The following IL1RAPL2 variants were observed in gnomAD, a reference collection of about 807,000 sequenced individuals.
The protein encoded by IL1RAPL2 is X-linked interleukin-1 receptor accessory protein-like 2.
Under a neutral mutation model 44.1 loss-of-function variants are expected in IL1RAPL2, and 3 were observed. That is an observed-to-expected ratio of 0.07 (90% CI 0.03 to 0.18). The LOEUF is 0.18. IL1RAPL2 is among the 10% of genes least tolerant of loss of function. The pLI, the probability that IL1RAPL2 is intolerant of heterozygous loss-of-function variation, is 1.00. For synonymous variants in IL1RAPL2, 181 were observed against 178.8 expected (o/e 1.01, Z -0.10); for missense variants, 391 against 496.4 (o/e 0.79, Z 2.02).
chrX:105,036,872 C>G (rs371853181), intron 2 of IL1RAPL2, among the ~76,000 whole-genome samples: 4 of 109,697 alleles, frequency 3.6e-5, no homozygotes, highest in African/African-American at 1.3e-4. Context: ...AACCAAAGCT[C>G]ATAGATGTCT....
chrX:104,970,552 G>A (rs1358404637), intron 2 of IL1RAPL2, among the ~76,000 whole-genome samples: 2 of 111,697 alleles, frequency 1.8e-5, no homozygotes, highest in African/African-American at 3.3e-5. Flanking sequence ...TCTAGAAAAG[G>A]GGTGGTAACT....
intron 2 of IL1RAPL2, among the ~76,000 whole-genome samples, chrX:105,139,695 T>C (rs1186471458): frequency 1.8e-5 from 2 of 111,615 alleles, no homozygotes; most frequent in African/African-American, 6.5e-5. Flanking sequence ...ATCCCATTCA[T>C]GAGGGCTCTA....
At chrX:104,960,824 T>C (rs1161524945) in intron 2 of IL1RAPL2, among the ~76,000 whole-genome samples, 1 of 111,534 alleles carries the variant, frequency 9.0e-6, no homozygotes, top group Non-Finnish European at 1.9e-5. Context: ...AAGCTCTGAG[T>C]GCCACTTTGC....
In IL1RAPL2 at chrX:104,613,928, G is replaced by C. The variant is rs777930030; in HGVS notation, c.-19-44967G>C. ...TCCTGATTCAATCTTGGGAGAGTGTGTGTTTCCAGGAATTTATCAGTTTTC... is the reference window on the plus strand; with the variant it reads ...TCCTGATTCAATCTTGGGAGAGTGTCTGTTTCCAGGAATTTATCAGTTTTC... On this transcript the variant is annotated intron_variant, in intron 1 of 10. Coordinates refer to ENST00000372582, the MANE Select transcript of IL1RAPL2 (RefSeq NM_017416.2). Among the ~76,000 whole-genome samples the C allele has an allele frequency of 1.3e-4, 14 of 107,581 alleles. No individual in the cohort carries two copies. The East Asian group carries it at 3.8e-3, about 29-fold the overall frequency. 93.4% of individuals were successfully genotyped at this position (107,581 alleles called of 115,157 possible). A position where few individuals can be genotyped will look rare whatever the true frequency, so the allele number is the denominator to read the frequency against.
At chrX:105,263,482 G>A (rs779759789) in intron 4 of IL1RAPL2, among the ~76,000 whole-genome samples, 1 of 111,811 alleles carries the variant, frequency 8.9e-6, no homozygotes, top group South Asian at 3.7e-4. Flanking sequence ...AACACCTGTA[G>A]GTATGATGAT....
chrX:105,279,040 G>A (rs767405671), intron 5 of IL1RAPL2, among the ~76,000 whole-genome samples: 2 of 111,242 alleles, frequency 1.8e-5, no homozygotes, highest in African/African-American at 3.3e-5. Flanking sequence ...TCACCACATT[G>A]CCTGATACTA....
At chrX:105,140,812 A>G (rs2033119681) in intron 2 of IL1RAPL2, among the ~76,000 whole-genome samples, 1 of 112,353 alleles carries the variant, frequency 8.9e-6, no homozygotes, top group African/African-American at 3.2e-5. Context: ...TGTGAAATAA[A>G]TTAGTATTAG....
At chrX:105,105,753 A>G (rs1199980930) in intron 2 of IL1RAPL2, among the ~76,000 whole-genome samples, 2 of 112,262 alleles carry the variant, frequency 1.8e-5, no homozygotes, top group Non-Finnish European at 3.8e-5. Context: ...TGGGGCCACA[A>G]ATATTAAAAG....
chrX:105,115,751 A>C (rs763708154), intron 2 of IL1RAPL2, among the ~76,000 whole-genome samples: 2 of 112,530 alleles, frequency 1.8e-5, no homozygotes, highest in South Asian at 7.3e-4. Flanking sequence ...TTGCGCCTGC[A>C]CTCCTCAGCC....
intron 4 of IL1RAPL2, among the ~76,000 whole-genome samples, chrX:105,235,690 A>C (rs2034114456): frequency 8.9e-6 from 1 of 112,481 alleles, no homozygotes; most frequent in African/African-American, 3.2e-5. Flanking sequence ...TATAGACTAC[A>C]GGTAATTTGG....
At chrX:105,602,607 A>C (rs1347093478) in intron 6 of IL1RAPL2, among the ~76,000 whole-genome samples, 2 of 110,556 alleles carry the variant, frequency 1.8e-5, no homozygotes, top group African/African-American at 3.3e-5. Context: ...AAATAGATTC[A>C]ACCAAAACAG....
At chrX:105,461,864 T>A (rs979722125) in intron 5 of IL1RAPL2, among the ~76,000 whole-genome samples, 1 of 110,071 alleles carries the variant, frequency 9.1e-6, no homozygotes, top group Admixed American at 9.7e-5. Context: ...GTGTGTAGAG[T>A]AGTGTGTGTA....
intron 6 of IL1RAPL2, among the ~76,000 whole-genome samples, chrX:105,504,748 C>T (rs907392343): frequency 3.6e-5 from 4 of 111,452 alleles, no homozygotes; most frequent in Admixed American, 9.5e-5. Context: ...TTTTCTTGTA[C>T]ATAGATTATA....
intron 4 of IL1RAPL2, among the ~76,000 whole-genome samples, chrX:105,257,404 T>C (rs2034323949): frequency 8.9e-6 from 1 of 112,094 alleles, no homozygotes; most frequent in Admixed American, 9.5e-5. Context: ...GAGAAGAATA[T>C]ATATTCTGTT....
intron 2 of IL1RAPL2, among the ~76,000 whole-genome samples, chrX:105,104,426 G>T (rs867408320): frequency 9.0e-6 from 1 of 111,713 alleles, no homozygotes; most frequent in African/African-American, 3.3e-5. Flanking sequence ...ATAAGAATTG[G>T]AAAGTAAGGA....
At chrX:105,406,023 A>T in intron 5 of IL1RAPL2, 1 of 1,205,453 alleles carries the variant, frequency 8.3e-7, no homozygotes, top group Non-Finnish European at 1.1e-6. Context: ...AGACTGGCTG[A>T]CATTAAATGT....
Position 104,642,492 on chromosome X carries a change from C to CT in IL1RAPL2, c.-19-16392dup, listed in dbSNP as rs372887521. On this transcript the variant is annotated intron_variant, in intron 1 of 10. Transcript: ENST00000372582. The stretch of plus-strand genomic sequence containing the variant: ...CTTTAGTTACATTTGGGATTCTTTT[C>CT]TTTTTTTTTTTGACGGAGTTTTACT... 3.1e-3 allele frequency among the ~76,000 whole-genome samples: 319 copies of CT among 104,520 alleles called. 3 individuals carry two copies. The highest frequency in any genetic ancestry group is 6.3e-3 in the African/African-American group (182 of 29,023). 90.8% of individuals were successfully genotyped at this position (104,520 alleles called of 115,157 possible).
intron 2 of IL1RAPL2, among the ~76,000 whole-genome samples, chrX:105,065,738 A>C (rs1602931561): frequency 8.9e-6 from 1 of 112,048 alleles, no homozygotes; most frequent in South Asian, 3.7e-4. Context: ...TTCTAACTAC[A>C]CTTTGTTTTA....
chrX:105,188,497 T>C (rs1440254283), intron 2 of IL1RAPL2, among the ~76,000 whole-genome samples: 1 of 111,507 alleles, frequency 9.0e-6, no homozygotes, highest in Admixed American at 9.6e-5. Flanking sequence ...CATTGGAGGC[T>C]CATTCATGGG....
Sources: gnomAD v4.1 joint callset for allele counts (sites outside exome capture counted in the v4.1 genomes callset) on GRCh38, gnomAD v4.1.1 for gene constraint, MANE v1.5 for transcripts, NCBI Gene and HGNC (gene_info 2026-07-23, HGNC 2026-07-21) for gene names.